The following MYEF2 variants were observed in gnomAD, a reference collection of about 807,000 sequenced individuals.
The protein encoded by MYEF2 is myelin expression factor 2.
In MYEF2, 37 loss-of-function variants were observed where a neutral mutation model predicts 75.2. That is an observed-to-expected ratio of 0.49 (90% CI 0.38 to 0.65). The LOEUF (loss-of-function observed/expected upper bound fraction) is 0.65. Among genes scored for constraint, MYEF2 ranks in the 30% least tolerant of loss-of-function variants. The pLI is 0.00. For synonymous variants in MYEF2, 195 were observed against 241.6 expected (o/e 0.81, Z 1.79); for missense variants, 634 against 771.4 (o/e 0.82, Z 2.11).
Position 48,140,382 on chromosome 15 carries a change from A to C in MYEF2, c.*2526T>G, listed in dbSNP as rs1339858788. The C allele has an allele frequency of 1.3e-5, 2 of 152,150 alleles. No individual in the cohort carries two copies. The highest frequency in any genetic ancestry group is 2.4e-5 in the African/African-American group (1 of 41,438). 9.4% of individuals were successfully genotyped at this position (152,150 alleles called of 1,614,324 possible). ...TTTAGTTGGCATTTTAAGAAAAAAA[A>C]AGAGAAAGAAAAAAAAGACGCTAAA... On this transcript the variant is annotated 3_prime_UTR_variant, in exon 17 of 17. Transcript: ENST00000324324.
chr15:48,155,496 C>G (rs553013798), intron 9 of MYEF2, among the ~76,000 whole-genome samples: 9 of 152,066 alleles, frequency 5.9e-5, no homozygotes, highest in African/African-American at 1.9e-4. Flanking sequence ...AGTATTGGAT[C>G]TAAGACAATT....
At chr15:48,160,446 T>A (rs1055230295) in intron 5 of MYEF2, among the ~76,000 whole-genome samples, 4 of 149,916 alleles carry the variant, frequency 2.7e-5, no homozygotes, top group African/African-American at 9.9e-5. Context: ...GTTCATTAAT[T>A]TTTTAAGAGA....
intron 1 of MYEF2, among the ~76,000 whole-genome samples, chr15:48,176,214 C>A (rs1424922085): frequency 5.0e-5 from 6 of 119,222 alleles, no homozygotes; most frequent in African/African-American, 2.0e-4. Flanking sequence ...TACTAGTTCA[C>A]GAAGTAAAAA....
chr15:48,163,187 T>C (rs1228984385), intron 5 of MYEF2, among the ~76,000 whole-genome samples: 3 of 152,186 alleles, frequency 2.0e-5, no homozygotes, highest in Non-Finnish European at 4.4e-5. Flanking sequence ...AAATTTAAGA[T>C]ACCGGTTACC....
rs140103845 is a variant in MYEF2, at chr15:48,151,912, T to C, written c.1169A>G (p.Asn390Ser). The stretch of plus-strand genomic sequence containing the variant: ...AACTCCTCCAAATCCTCCCATGCTA[T>C]TCATTGCTTCCAGACCACCAAACCC... ...GIGFGGLEAM[N>S]SMGGFGGVGR... The change falls in exon 12 of 17, where the codon AAT becomes AGT. Residue 390 changes from asparagine (N) to serine (S), a missense_variant. Transcript: ENST00000324324. 2 of 1,613,404 alleles carry C rather than the reference T, an allele frequency of 1.2e-6. No homozygotes were observed. The highest frequency in any genetic ancestry group is 1.7e-6 in the Non-Finnish European group (2 of 1,179,602).
intron 16 of MYEF2, among the ~76,000 whole-genome samples, chr15:48,144,600 T>TG (rs914397997): frequency 2.0e-5 from 3 of 151,686 alleles, no homozygotes; most frequent in African/African-American, 7.3e-5. Flanking sequence ...TGGAATGAAA[T>TG]GGGGAAAAAA....
In MYEF2 at chr15:48,135,057, C is replaced by T; in HGVS notation, c.*7851G>A. On this transcript the variant is annotated 3_prime_UTR_variant, in exon 17 of 17. Transcript: ENST00000324324. Reference sequence around the variant, plus strand: ...TTCTGATGGTTCAGTAATTTTTTTTCAGAAATGTTATTTCAGTCACTTAAT... The same window carrying T: ...TTCTGATGGTTCAGTAATTTTTTTTTAGAAATGTTATTTCAGTCACTTAAT... 2 of 1,213,030 alleles carry T rather than the reference C, an allele frequency of 1.6e-6. No homozygotes were observed. Among genetic ancestry groups the T allele is most frequent in the Non-Finnish European group, 2.4e-6 (2 of 833,744 alleles). 75.1% of individuals were successfully genotyped at this position (1,213,030 alleles called of 1,614,324 possible). A position where few individuals can be genotyped will look rare whatever the true frequency, so the allele number is the denominator to read the frequency against.
intron 9 of MYEF2, 108 bp downstream of exon 9, chr15:48,157,885 C>T: frequency 6.6e-7 from 1 of 1,522,582 alleles, no homozygotes; most frequent in Non-Finnish European, 8.8e-7. Context: ...AAACTAATCC[C>T]AAATTGTGAG....
Position 48,140,868 on chromosome 15 carries a change from G to A in MYEF2, c.*2040C>T, listed in dbSNP as rs905915256. 9.6e-5 allele frequency: 34 copies of A among 353,692 alleles called. No individual in the cohort carries two copies. Among genetic ancestry groups the A allele is most frequent in the Middle Eastern group, 8.7e-4 (1 of 1,146 alleles). The allele number at this position is 353,692 out of a possible 1,614,324, so 21.9% of individuals were successfully genotyped here. On this transcript the variant is annotated 3_prime_UTR_variant, in exon 17 of 17. Coordinates refer to ENST00000324324, the MANE Select transcript of MYEF2 (RefSeq NM_016132.5). ...TATCAAACAGGAAAATTTCTCACTGGCAGAATTTTAGCTGTTACGTATCTT... is the reference window on the plus strand; with the variant it reads ...TATCAAACAGGAAAATTTCTCACTGACAGAATTTTAGCTGTTACGTATCTT...
In MYEF2 at chr15:48,140,940, C is replaced by T; in HGVS notation, c.*1968G>A. 2.0e-6 allele frequency: 1 copy of T among 503,886 alleles called. No homozygotes were observed. Among genetic ancestry groups the T allele is most frequent in the Admixed American group, 3.5e-5 (1 of 28,920 alleles). The allele number at this position is 503,886 out of a possible 1,614,324, so 31.2% of individuals were successfully genotyped here. The stretch of plus-strand genomic sequence containing the variant: ...GTGCTACCTGGGTTACCCGAATTAC[C>T]AGCCTGATTCAAATATGTTGCTAGC... On this transcript the variant is annotated 3_prime_UTR_variant, in exon 17 of 17. Transcript: ENST00000324324.
chr15:48,136,747 A>G lies in MYEF2; in HGVS notation c.*6161T>C. 6.2e-7 allele frequency: 1 copy of G among 1,613,562 alleles called. No individual in the cohort carries two copies. On this transcript the variant is annotated 3_prime_UTR_variant, in exon 17 of 17. Transcript: ENST00000324324. ...TGTTTTGGTGCTGTGTTTTGACATTAAAATTAACCAATATATTATAAAGAA... is the reference window on the plus strand; with the variant it reads ...TGTTTTGGTGCTGTGTTTTGACATTGAAATTAACCAATATATTATAAAGAA...
intron 1 of MYEF2, among the ~76,000 whole-genome samples, chr15:48,171,526 A>T (rs1037292539): frequency 6.6e-6 from 1 of 152,076 alleles, no homozygotes; most frequent in Non-Finnish European, 1.5e-5. Flanking sequence ...CCCCCATAAG[A>T]AGCATCTTAA....
At chr15:48,167,665 A>G (rs1397568530) in intron 2 of MYEF2, among the ~76,000 whole-genome samples, 1 of 152,140 alleles carries the variant, frequency 6.6e-6, no homozygotes, top group Non-Finnish European at 1.5e-5. Context: ...CCAGCATGAT[A>G]TAGTTGGTGA....
intron 3 of MYEF2, 77 bp downstream of exon 3, chr15:48,167,272 T>C: frequency 7.0e-7 from 1 of 1,419,024 alleles, no homozygotes; most frequent in Non-Finnish European, 9.8e-7. Flanking sequence ...TTCCAAAAAC[T>C]GGTACAAGTA....
Position 48,168,878 on chromosome 15 carries a change from G to A in MYEF2, c.162-39C>T. 4 of 1,462,996 alleles carry A rather than the reference G, an allele frequency of 2.7e-6. No homozygotes were observed. In the South Asian group the frequency reaches 3.6e-5, roughly 13 times the overall value. 90.6% of individuals were successfully genotyped at this position (1,462,996 alleles called of 1,614,324 possible). On this transcript the variant is annotated intron_variant, in intron 1 of 16. Transcript: ENST00000324324. The stretch of plus-strand genomic sequence containing the variant: ...AAAGTCAAACAAACAAAAACCCTCA[G>A]TTGTGCTTATAAGAATGGAAGTCTA...
chr15:48,151,224 T>C (rs2039481014), intron 13 of MYEF2, 53 bp from the exon 14 acceptor site: 1 of 1,449,494 alleles, frequency 6.9e-7, no homozygotes, highest in Admixed American at 1.9e-5. Flanking sequence ...AATCATACTT[T>C]AAAATTCCCA....
chr15:48,147,382 TC>T (rs2039326267), intron 16 of MYEF2, among the ~76,000 whole-genome samples: 1 of 152,020 alleles, frequency 6.6e-6, no homozygotes, highest in South Asian at 2.1e-4. Flanking sequence ...CCTGCTTTGC[TC>T]TTTATCTTGC....
At chr15:48,151,448 A>G (rs767562139) in intron 13 of MYEF2, 25 bp downstream of exon 13, 4 of 1,586,802 alleles carry the variant, frequency 2.5e-6, no homozygotes, top group Non-Finnish European at 3.5e-6. Context: ...CAAAAAGAAA[A>G]GGAGAAGTAT....
At chr15:48,159,309 A>G (rs2140884994) in intron 6 of MYEF2, among the ~76,000 whole-genome samples, 1 of 152,238 alleles carries the variant, frequency 6.6e-6, no homozygotes, top group South Asian at 2.1e-4. Context: ...AGACTAAAAA[A>G]AGAAATCCAT....
Sources: gnomAD v4.1 joint callset for allele counts (sites outside exome capture counted in the v4.1 genomes callset) on GRCh38, gnomAD v4.1.1 for gene constraint, MANE v1.5 for transcripts, NCBI Gene and HGNC (gene_info 2026-07-23, HGNC 2026-07-21) for gene names.